P2RY6: variants seen among roughly 807,000 people sequenced by gnomAD.
P2RY6 encodes the protein P2Y purinoceptor 6.
A neutral mutation model predicts 16.3 loss-of-function variants in P2RY6; 19 were observed. That is an observed-to-expected ratio of 1.16 (90% CI 0.81 to 1.71). P2RY6 has a LOEUF of 1.71. Among genes scored for constraint, P2RY6 ranks in the 40% most tolerant of loss-of-function variants. The probability of loss-of-function intolerance (pLI) is 0.00; values close to 1 mark genes in which losing one functional copy is unlikely to be tolerated. For missense variants in P2RY6, 389 were observed against 455.5 expected, an observed-to-expected ratio of 0.85 and a Z score of 1.33; for synonymous variants, 184 against 201.5, an observed-to-expected ratio of 0.91 and a Z score of 0.74.
At chr11:73,276,376 A>G (rs1863537574) in intron 1 of P2RY6, among the ~76,000 whole-genome samples, 1 of 152,254 alleles carries the variant, frequency 6.6e-6, no homozygotes, top group Non-Finnish European at 1.5e-5. Context: ...TCAAAGGTGT[A>G]TACGCAAGGA....
intron 1 of P2RY6, among the ~76,000 whole-genome samples, chr11:73,282,661 A>C (rs959122693): frequency 6.6e-6 from 1 of 152,098 alleles, no homozygotes; most frequent in Non-Finnish European, 1.5e-5. Flanking sequence ...CTACATCTTC[A>C]TCTGTCTTTT....
chr11:73,272,294 T>C, upstream of P2RY6: 5 of 975,300 alleles, frequency 5.1e-6, no homozygotes, highest in Non-Finnish European at 6.1e-6. Context: ...GGCAAGTTAC[T>C]TCCTCTCCCC....
In P2RY6 at chr11:73,281,328, T is replaced by C. The variant is rs567753719; in HGVS notation, c.-121+8862T>C. ...AGTCTGTAAGCTCCAAGAACCAGAG[T>C]TGGGCTTCACCACCCAAGCCCACCC... On this transcript the variant is annotated intron_variant, in intron 1 of 2. Coordinates refer to ENST00000540124, the MANE Select transcript of P2RY6 (RefSeq NM_001277204.2). 5.3e-5 allele frequency among the ~76,000 whole-genome samples: 8 copies of C among 152,138 alleles called. 1 individual carries two copies. The highest frequency in any genetic ancestry group is 1.2e-4 in the African/African-American group (5 of 41,508).
chr11:73,284,472 C>G (rs944353470), intron 1 of P2RY6, among the ~76,000 whole-genome samples: 1 of 152,124 alleles, frequency 6.6e-6, no homozygotes, highest in African/African-American at 2.4e-5. Flanking sequence ...GAGGGAGATG[C>G]AGGCTGCCTA....
In P2RY6 at chr11:73,297,438, A is replaced by C; in HGVS notation, c.920A>C (p.Lys307Thr). The C allele has an allele frequency of 6.2e-7, 1 of 1,612,586 alleles. No homozygotes were observed. Residue 307 changes from lysine (K) to threonine (T), a missense_variant, in exon 3 of 3, where the codon AAG (lysine) becomes ACG (threonine). Transcript: ENST00000540124. ...ATCCTCTTCTACTTCACCCAGAAGAAGTTCCGCCGGCGACCACATGAGCTC... is the reference window on the plus strand; with the variant it reads ...ATCCTCTTCTACTTCACCCAGAAGACGTTCCGCCGGCGACCACATGAGCTC... ...DPILFYFTQK[K>T]FRRRPHELLQ... is the part of the protein sequence containing the mutation.
At chr11:73,283,742 G>T (rs951484572) in intron 1 of P2RY6, among the ~76,000 whole-genome samples, 8 of 152,232 alleles carry the variant, frequency 5.3e-5, no homozygotes, top group African/African-American at 1.7e-4. Flanking sequence ...AGAAATGGGT[G>T]CAGGGAGGCA....
chr11:73,292,975 G>A (rs548119566), intron 1 of P2RY6: 5 of 177,156 alleles, frequency 2.8e-5, no homozygotes, highest in South Asian at 4.1e-4. Context: ...GCGGGGGGTG[G>A]GGGGGGGAGG....
chr11:73,292,610 C>T (rs531320789), intron 1 of P2RY6, among the ~76,000 whole-genome samples: 39 of 152,354 alleles, frequency 2.6e-4, no homozygotes, highest in African/African-American at 7.7e-4. Flanking sequence ...CCTCTGCCCC[C>T]ATCCCCCTCT....
In P2RY6 at chr11:73,292,649, G is replaced by A. The variant is rs191442381; in HGVS notation, c.-120-3081G>A. ...CCCTGCTGGGGTAGGGGAGTATTCC[G>A]GGAAGGACGCCTTTTTTCCACCTCC... On this transcript the variant is annotated intron_variant, in intron 1 of 2. Transcript: ENST00000540124. 6.3e-4 allele frequency: 137 copies of A among 219,194 alleles called. 1 individual carries two copies. Among genetic ancestry groups the A allele is most frequent in the Non-Finnish European group, 9.1e-4 (118 of 129,344 alleles). The allele number at this position is 219,194 out of a possible 1,614,324, so 13.6% of individuals were successfully genotyped here.
At chr11:73,291,823 T>C (rs2135747908) in intron 1 of P2RY6, among the ~76,000 whole-genome samples, 1 of 152,280 alleles carries the variant, frequency 6.6e-6, no homozygotes, top group East Asian at 1.9e-4. Context: ...CCGAGGAGGC[T>C]CAGAGAAGGG....
intron 1 of P2RY6, among the ~76,000 whole-genome samples, chr11:73,290,347 G>GAAAT (rs1183108217): frequency 7.1e-6 from 1 of 141,788 alleles, no homozygotes; most frequent in Admixed American, 6.9e-5. Context: ...AAGAAAGAAA[G>GAAAT]AAAGAAAGAA....
At position 73,296,638 on chromosome 11, in the gene P2RY6, C is replaced by T. The variant is rs149749001; in HGVS notation, c.120C>T (p.Gly40=). 1.9e-6 allele frequency: 3 copies of T among 1,614,072 alleles called. No homozygotes were observed. The African/African-American group carries it at 4.0e-5, about 22-fold the overall frequency. The change falls in exon 3 of 3, where the codon GGC becomes GGT. Residue 40 remains glycine, a synonymous_variant. Coordinates refer to ENST00000540124, the MANE Select transcript of P2RY6 (RefSeq NM_001277204.2). ...PPVYSAVLAA[G]LPLNICVITQ... is the part of the protein sequence containing the mutation. Reference sequence around the variant, plus strand: ...TGTATTCGGCGGTGCTGGCGGCTGGCCTGCCGCTGAACATCTGTGTCATTA... The same window carrying T: ...TGTATTCGGCGGTGCTGGCGGCTGGTCTGCCGCTGAACATCTGTGTCATTA...
chr11:73,287,490 GTCA>G (rs1467269409), intron 1 of P2RY6, among the ~76,000 whole-genome samples: 10 of 152,212 alleles, frequency 6.6e-5, no homozygotes, highest in African/African-American at 2.4e-4. Flanking sequence ...GGGCAGCGTC[GTCA>G]TCATAAGAGG....
chr11:73,282,938 C>G (rs1024708771), intron 1 of P2RY6, among the ~76,000 whole-genome samples: 3 of 152,060 alleles, frequency 2.0e-5, no homozygotes, highest in Non-Finnish European at 2.9e-5. Flanking sequence ...ATTTGAGCCC[C>G]CAGTGATGCT....
chr11:73,272,031 A>G (rs1292170764), upstream of P2RY6: 1 of 152,226 alleles, frequency 6.6e-6, no homozygotes, highest in Non-Finnish European at 1.5e-5. Flanking sequence ...GGGGAGGAGG[A>G]TAAAAAACAG....
intron 1 of P2RY6, among the ~76,000 whole-genome samples, chr11:73,281,298 G>C (rs11235711): frequency 0.14 from 20,663 of 152,204 alleles, 1,455 homozygotes; most frequent in Non-Finnish European, 0.16. Flanking sequence ...CAGGGTGCTA[G>C]GTCAAGTCTG....
At chr11:73,294,579 G>C (rs1022792937) in intron 1 of P2RY6, among the ~76,000 whole-genome samples, 14 of 152,264 alleles carry the variant, frequency 9.2e-5, no homozygotes, top group African/African-American at 3.1e-4. Flanking sequence ...CTAGCATATG[G>C]GCTAAAGTCC....
At chr11:73,286,232 T>A (rs1307742578) in intron 1 of P2RY6, among the ~76,000 whole-genome samples, 3 of 152,154 alleles carry the variant, frequency 2.0e-5, no homozygotes, top group Non-Finnish European at 4.4e-5. Flanking sequence ...GTCTTATCAC[T>A]GCCAGGTGGG....
At chr11:73,289,904 C>T (rs530093619) in intron 1 of P2RY6, among the ~76,000 whole-genome samples, 13 of 152,304 alleles carry the variant, frequency 8.5e-5, no homozygotes, top group Non-Finnish European at 1.8e-4. Context: ...GCAGATAAAA[C>T]ATCTGGCACA....
Sources: allele counts gnomAD v4.1 joint callset (sites outside exome capture counted in the v4.1 genomes callset), GRCh38; gene constraint gnomAD v4.1.1; transcripts MANE v1.5; gene names NCBI Gene and HGNC (gene_info 2026-07-23, HGNC 2026-07-21).